Variants in PCDH11Y observed in about 807,000 individuals in gnomAD.
The protein encoded by PCDH11Y is protocadherin-11 Y-linked.
For missense variants in PCDH11Y, 12 were observed against 224.8 expected, an observed-to-expected ratio of 0.05 and a Z score of 6.05; for synonymous variants, 9 against 83.6, an observed-to-expected ratio of 0.11 and a Z score of 4.87.
chrY:5,616,626 A>AT (rs2053494063), intron 4 of PCDH11Y, among the ~76,000 whole-genome samples: 6 of 31,371 alleles, frequency 1.9e-4, no homozygotes, highest in Non-Finnish European at 3.1e-4. Flanking sequence ...CTTTGTAAGA[A>AT]TTTTTTTTTT....
chrY:5,365,544 TTTTA>T (rs2053179436), intron 2 of PCDH11Y, among the ~76,000 whole-genome samples: 1 of 33,456 alleles, frequency 3.0e-5, no homozygotes, highest in African/African-American at 1.2e-4. Context: ...TGTTATACAT[TTTTA>T]TTTATTATTA....
chrY:5,739,750 T>G, exon 5 of PCDH11Y: 1 of 33,270 alleles, frequency 3.0e-5, no homozygotes, highest in Middle Eastern at 0.014. Context: ...CAGAATAACT[T>G]CTTAACTATT....
At chrY:5,541,946 A>G (rs2053407640) in intron 3 of PCDH11Y, among the ~76,000 whole-genome samples, 1 of 31,057 alleles carries the variant, frequency 3.2e-5, no homozygotes, top group African/African-American at 1.3e-4. Flanking sequence ...CCATCTCTTC[A>G]GAGGAAGAGA....
At chrY:5,126,914 A>G in intron 2 of PCDH11Y, among the ~76,000 whole-genome samples, 1 of 31,896 alleles carries the variant, frequency 3.1e-5, no homozygotes, top group Non-Finnish European at 7.6e-5. Context: ...CTTCTTGAAC[A>G]TAAATCCCTT....
intron 2 of PCDH11Y, among the ~76,000 whole-genome samples, chrY:5,233,949 C>T (rs2052971452): frequency 6.2e-5 from 2 of 32,447 alleles, no homozygotes; most frequent in African/African-American, 2.4e-4. Context: ...AGAATGAGAA[C>T]AGTGTTAAGG....
intron 2 of PCDH11Y, among the ~76,000 whole-genome samples, chrY:5,176,798 C>T: frequency 3.0e-5 from 1 of 32,943 alleles, no homozygotes; most frequent in South Asian, 6.8e-4. Context: ...AGCAAACTTT[C>T]GTGAATATCT....
At chrY:5,385,302 A>G in intron 2 of PCDH11Y, among the ~76,000 whole-genome samples, 1 of 26,651 alleles carries the variant, frequency 3.8e-5, no homozygotes, top group Non-Finnish European at 8.7e-5. Context: ...CTCCCTTCCC[A>G]CCCTTTCCCC....
At chrY:5,193,200 C>A in intron 2 of PCDH11Y, among the ~76,000 whole-genome samples, 1 of 32,573 alleles carries the variant, frequency 3.1e-5, no homozygotes, top group Non-Finnish European at 7.5e-5. Flanking sequence ...ATTTATTTTT[C>A]TTTCAAATAT....
chrY:5,364,950 T>C, intron 2 of PCDH11Y, among the ~76,000 whole-genome samples: 3 of 33,248 alleles, frequency 9.0e-5, no homozygotes, highest in Non-Finnish European at 2.2e-4. Context: ...GGCTATGTTA[T>C]AGAATATGGT....
chrY:5,088,141 G>A, intron 1 of PCDH11Y, among the ~76,000 whole-genome samples: 1 of 32,034 alleles, frequency 3.1e-5, no homozygotes, highest in Non-Finnish European at 7.6e-5. Context: ...CTATGAAGGT[G>A]TTTTTTCTTT....
At chrY:5,072,212 C>A in intron 1 of PCDH11Y, among the ~76,000 whole-genome samples, 1 of 31,103 alleles carries the variant, frequency 3.2e-5, no homozygotes, top group Non-Finnish European at 7.8e-5. Context: ...TATGTCCTTA[C>A]CAATTGGTAA....
chrY:5,290,376 A>G, intron 2 of PCDH11Y, among the ~76,000 whole-genome samples: 1 of 29,158 alleles, frequency 3.4e-5, no homozygotes, highest in African/African-American at 1.4e-4. Flanking sequence ...ATAGTTTCCA[A>G]ATAGTTTCTC....
intron 2 of PCDH11Y, among the ~76,000 whole-genome samples, chrY:5,118,489 G>A (rs2052814171): frequency 3.1e-5 from 1 of 32,360 alleles, no homozygotes; most frequent in Non-Finnish European, 7.5e-5. Flanking sequence ...ACCCACATGG[G>A]CCTCCCAGAG....
intron 2 of PCDH11Y, among the ~76,000 whole-genome samples, chrY:5,406,349 A>T (rs2053238746): frequency 3.0e-5 from 1 of 33,162 alleles, no homozygotes; most frequent in African/African-American, 1.2e-4. Flanking sequence ...GGACCATATT[A>T]TACTGGGTAC....
chrY:5,283,111 G>T, intron 2 of PCDH11Y, among the ~76,000 whole-genome samples: 1 of 33,416 alleles, frequency 3.0e-5, no homozygotes, highest in Non-Finnish European at 7.4e-5. Flanking sequence ...CTGCTTGTAT[G>T]TATTTGTTTA....
chrY:5,699,329 C>T, intron 4 of PCDH11Y, among the ~76,000 whole-genome samples: 2 of 33,901 alleles, frequency 5.9e-5, no homozygotes, highest in Non-Finnish European at 1.5e-4. Context: ...CCCTGGATGC[C>T]CCTTGGCCGA....
chrY:5,326,331 C>T (rs1238077950), intron 2 of PCDH11Y, among the ~76,000 whole-genome samples: 1 of 31,969 alleles, frequency 3.1e-5, no homozygotes, highest in Non-Finnish European at 7.6e-5. Flanking sequence ...GGCAAATCCT[C>T]GAGCTTGATG....
At chrY:5,647,021 A>G in intron 4 of PCDH11Y, among the ~76,000 whole-genome samples, 1 of 33,891 alleles carries the variant, frequency 3.0e-5, no homozygotes, top group Non-Finnish European at 7.3e-5. Flanking sequence ...TTCAAGATCC[A>G]ACTGAATTGT....
chrY:5,377,573 A>G, intron 2 of PCDH11Y, among the ~76,000 whole-genome samples: 1 of 33,783 alleles, frequency 3.0e-5, no homozygotes, highest in South Asian at 6.4e-4. Flanking sequence ...ATGTTTATGC[A>G]TATATGCATT....
Sources: gnomAD v4.1 joint callset for allele counts (sites outside exome capture counted in the v4.1 genomes callset) on GRCh38, gnomAD v4.1.1 for gene constraint, MANE v1.5 for transcripts, NCBI Gene and HGNC (gene_info 2026-07-23, HGNC 2026-07-21) for gene names.